Variants in CNTN5 observed in about 807,000 individuals in gnomAD.
The protein encoded by CNTN5 is contactin 5, also known as contactin-5.
A neutral mutation model predicts 129.1 loss-of-function variants in CNTN5; 77 were observed. That is an observed-to-expected ratio of 0.60 (90% CI 0.50 to 0.72). The LOEUF is 0.72. Among genes scored for constraint, CNTN5 ranks in the 30% least tolerant of loss-of-function variants. The pLI, the probability that CNTN5 is intolerant of heterozygous loss-of-function variation, is 0.00. For missense variants in CNTN5, 1,478 were observed against 1,328.8 expected (o/e 1.11, Z -1.75); for synonymous variants, 509 against 465.6 (o/e 1.09, Z -1.20).
chr11:99,153,586 C>G (rs1860180775), intron 1 of CNTN5, among the ~76,000 whole-genome samples: 1 of 150,770 alleles, frequency 6.6e-6, no homozygotes, highest in Non-Finnish European at 1.5e-5. Flanking sequence ...TCTACTTTCT[C>G]CTGAATCTTG....
At chr11:99,750,746 G>A (rs183118354) in intron 3 of CNTN5, among the ~76,000 whole-genome samples, 22 of 152,208 alleles carry the variant, frequency 1.4e-4, no homozygotes, top group African/African-American at 5.3e-4. Flanking sequence ...CTTATCACAC[G>A]AACAATATCT....
chr11:99,987,548 T>G (rs12295954), intron 8 of CNTN5, among the ~76,000 whole-genome samples: 1 of 145,034 alleles, frequency 6.9e-6, no homozygotes, highest in East Asian at 2.0e-4. Context: ...TATATACACA[T>G]ACACACACAC....
chr11:99,972,872 A>G (rs1008771094), intron 8 of CNTN5, among the ~76,000 whole-genome samples: 1 of 151,942 alleles, frequency 6.6e-6, no homozygotes, highest in African/African-American at 2.4e-5. Context: ...TTTCCACAGT[A>G]CTCCCAGATA....
intron 7 of CNTN5, among the ~76,000 whole-genome samples, chr11:99,920,628 C>A (rs924395568): frequency 6.6e-6 from 1 of 152,170 alleles, no homozygotes; most frequent in Non-Finnish European, 1.5e-5. Flanking sequence ...TCTCTACACC[C>A]TACATACAAA....
At chr11:99,858,151 G>A (rs1591320452) in intron 6 of CNTN5, among the ~76,000 whole-genome samples, 1 of 152,110 alleles carries the variant, frequency 6.6e-6, no homozygotes, top group Admixed American at 6.5e-5. Context: ...ATAGGTGGAT[G>A]AATTTAGAGA....
chr11:100,277,913 A>G (rs1950549849), intron 18 of CNTN5, among the ~76,000 whole-genome samples: 1 of 151,954 alleles, frequency 6.6e-6, no homozygotes, highest in East Asian at 1.9e-4. Flanking sequence ...CAGTTTCCCC[A>G]ATGTTTTCCT....
chr11:100,350,917 C>G, intron 24 of CNTN5, 47 bp downstream of exon 24: 1 of 1,432,926 alleles, frequency 7.0e-7, no homozygotes, highest in Middle Eastern at 1.8e-4. Context: ...CCAACAATTA[C>G]GAGATGGTAT....
chr11:99,311,572 C>G (rs888457237), intron 1 of CNTN5, among the ~76,000 whole-genome samples: 2 of 152,110 alleles, frequency 1.3e-5, no homozygotes, highest in Admixed American at 1.3e-4. Context: ...TCCCTAGAGT[C>G]AAAGAGTGCT....
intron 9 of CNTN5, among the ~76,000 whole-genome samples, chr11:100,029,140 T>G (rs1454956430): frequency 2.0e-5 from 3 of 148,958 alleles, no homozygotes; most frequent in Admixed American, 1.4e-4. Context: ...AACATACATG[T>G]GATTCAGATA....
intron 4 of CNTN5, among the ~76,000 whole-genome samples, chr11:99,831,902 C>T (rs372814657): frequency 5.9e-5 from 9 of 152,148 alleles, no homozygotes; most frequent in African/African-American, 2.2e-4. Flanking sequence ...TTGAGTTCTT[C>T]AGCAACTTCT....
chr11:99,121,941 A>G (rs1317059517), intron 1 of CNTN5, among the ~76,000 whole-genome samples: 2 of 151,826 alleles, frequency 1.3e-5, no homozygotes, highest in African/African-American at 4.8e-5. Context: ...ATTTTAAAAA[A>G]TAGAAATAAT....
chr11:99,226,815 A>T (rs1860711879), intron 1 of CNTN5, among the ~76,000 whole-genome samples: 1 of 152,172 alleles, frequency 6.6e-6, no homozygotes, highest in Non-Finnish European at 1.5e-5. Context: ...TGTTGAATTC[A>T]ATTAAAATTC....
intron 6 of CNTN5, among the ~76,000 whole-genome samples, chr11:99,906,903 T>A (rs1328231886): frequency 6.6e-6 from 1 of 152,174 alleles, no homozygotes; most frequent in East Asian, 1.9e-4. Flanking sequence ...TTTTCTAGTT[T>A]ATTTGCATAG....
intron 18 of CNTN5, among the ~76,000 whole-genome samples, chr11:100,281,653 A>T (rs570349689): frequency 2.0e-5 from 3 of 152,076 alleles, no homozygotes; most frequent in Admixed American, 6.5e-5. Context: ...AAGTTCTCTG[A>T]TATTATCCAT....
intron 9 of CNTN5, among the ~76,000 whole-genome samples, chr11:100,027,841 G>A (rs1239722928): frequency 2.0e-5 from 3 of 152,096 alleles, no homozygotes; most frequent in African/African-American, 2.4e-5. Flanking sequence ...CATACTTCAA[G>A]GATTACTGTC....
intron 1 of CNTN5, among the ~76,000 whole-genome samples, chr11:99,202,833 A>G (rs1007368313): frequency 5.4e-4 from 82 of 151,732 alleles, no homozygotes; most frequent in African/African-American, 1.7e-3. Flanking sequence ...GAATACTTCT[A>G]GGTATTAAAA....
At chr11:99,457,765 A>G (rs1944549602) in intron 2 of CNTN5, among the ~76,000 whole-genome samples, 1 of 151,768 alleles carries the variant, frequency 6.6e-6, no homozygotes, top group South Asian at 2.1e-4. Context: ...TGGCCAATGG[A>G]ATTCAAATGC....
chr11:100,153,801 T>C (rs542312488), intron 13 of CNTN5, among the ~76,000 whole-genome samples: 7 of 152,204 alleles, frequency 4.6e-5, no homozygotes, highest in Admixed American at 2.6e-4. Flanking sequence ...ATATAAATTA[T>C]ATTATTTTAT....
intron 3 of CNTN5, among the ~76,000 whole-genome samples, chr11:99,730,795 G>C (rs1276276702): frequency 2.0e-5 from 3 of 152,094 alleles, no homozygotes; most frequent in African/African-American, 4.8e-5. Context: ...TAATTTATTT[G>C]TGTTGGGAAC....
Sources: allele counts gnomAD v4.1 joint callset (sites outside exome capture counted in the v4.1 genomes callset), GRCh38; gene constraint gnomAD v4.1.1; transcripts MANE v1.5; gene names NCBI Gene and HGNC (gene_info 2026-07-23, HGNC 2026-07-21).